ULK4: variants seen among roughly 807,000 people sequenced by gnomAD.
The protein encoded by ULK4 is unc-51 like kinase 4.
ULK4 carries 133 observed loss-of-function variants against 160.6 expected under a neutral mutation model. That is an observed-to-expected ratio of 0.83 (90% CI 0.72 to 0.96). ULK4 has a LOEUF of 0.96. ULK4 is among the 40% of genes least tolerant of loss of function. The pLI is 0.00. For missense variants in ULK4, 1,580 were observed against 1,499.5 expected (o/e 1.05, Z -0.89); for synonymous variants, 534 against 539.8 (o/e 0.99, Z 0.15).
intron 34 of ULK4, among the ~76,000 whole-genome samples, chr3:41,453,245 T>G (rs536893542): frequency 6.6e-6 from 1 of 152,270 alleles, no homozygotes; most frequent in South Asian, 2.1e-4. Flanking sequence ...GTGTCATCAT[T>G]GCTGGCTGCC....
chr3:41,935,668 A>C (rs1699754117), intron 4 of ULK4, 133 bp downstream of exon 4: 2 of 1,157,674 alleles, frequency 1.7e-6, no homozygotes, highest in Admixed American at 6.0e-5. Flanking sequence ...GCCTCCTTTT[A>C]TTTTAAAAAA....
intron 20 of ULK4, among the ~76,000 whole-genome samples, chr3:41,797,637 A>G (rs2040341136): frequency 6.6e-6 from 1 of 152,196 alleles, no homozygotes. Context: ...AGGTGGGTGG[A>G]TCACCTGAGG....
At chr3:41,525,197 A>G (rs1305570656) in intron 32 of ULK4, among the ~76,000 whole-genome samples, 2 of 152,214 alleles carry the variant, frequency 1.3e-5, no homozygotes, top group African/African-American at 4.8e-5. Flanking sequence ...TAACTCTCTC[A>G]TATTTCTCAC....
chr3:41,643,926 T>G (rs895171495), intron 30 of ULK4, among the ~76,000 whole-genome samples: 1 of 152,166 alleles, frequency 6.6e-6, no homozygotes, highest in Non-Finnish European at 1.5e-5. Flanking sequence ...TAAGTTGGAT[T>G]CCTAGGTATT....
At chr3:41,808,113 C>T (rs186490484) in intron 19 of ULK4, among the ~76,000 whole-genome samples, 31 of 152,206 alleles carry the variant, frequency 2.0e-4, no homozygotes, top group East Asian at 5.8e-4. Context: ...TTCAATATGA[C>T]GAAACCTATT....
At chr3:41,674,008 A>T (rs1272166440) in intron 29 of ULK4, among the ~76,000 whole-genome samples, 1 of 152,172 alleles carries the variant, frequency 6.6e-6, no homozygotes, top group Non-Finnish European at 1.5e-5. Flanking sequence ...CACTTAATAT[A>T]TATTTATGGA....
At chr3:41,818,732 T>G (rs947472088) in intron 19 of ULK4, among the ~76,000 whole-genome samples, 5 of 152,234 alleles carry the variant, frequency 3.3e-5, no homozygotes, top group African/African-American at 1.2e-4. Flanking sequence ...TGATATATCT[T>G]TCTCATTCCT....
At chr3:41,622,231 T>C (rs567851588) in intron 30 of ULK4, among the ~76,000 whole-genome samples, 1 of 152,194 alleles carries the variant, frequency 6.6e-6, no homozygotes, top group Non-Finnish European at 1.5e-5. Flanking sequence ...GAACCAGAAA[T>C]ACCATTTGAC....
chr3:41,636,087 A>G (rs1277202794), intron 30 of ULK4, among the ~76,000 whole-genome samples: 2 of 151,654 alleles, frequency 1.3e-5, no homozygotes, highest in Non-Finnish European at 2.9e-5. Flanking sequence ...TCAATTCTCT[A>G]CCTTTGTATT....
chr3:41,732,624 T>C (rs1575620420), intron 22 of ULK4, among the ~76,000 whole-genome samples: 1 of 152,074 alleles, frequency 6.6e-6, no homozygotes, highest in Non-Finnish European at 1.5e-5. Flanking sequence ...TGGGTATTTA[T>C]CCAAAGAAAA....
At position 41,463,267 on chromosome 3, in the gene ULK4, A is replaced by T. The variant is rs764685103; in HGVS notation, c.3227-14T>A. 5.6e-6 allele frequency: 9 copies of T among 1,603,604 alleles called. No homozygotes were observed. Among genetic ancestry groups the T allele is most frequent in the African/African-American group, 1.3e-5 (1 of 74,360 alleles). ...GACTGACAAGTCCTGAGGGTAAAAAAGGAAAAGAAAAAAACCTCATCATTA... is the reference window on the plus strand; with the variant it reads ...GACTGACAAGTCCTGAGGGTAAAAATGGAAAAGAAAAAAACCTCATCATTA... On this transcript the variant is annotated splice_polypyrimidine_tract_variant and intron_variant, in intron 32 of 36. Transcript: ENST00000301831.
In ULK4 at chr3:41,249,696, T is replaced by C. The variant is rs988469457; in HGVS notation, c.3679-122A>G. On this transcript the variant is annotated intron_variant, in intron 35 of 36. Coordinates refer to ENST00000301831, the MANE Select transcript of ULK4 (RefSeq NM_017886.4). ...TGTGGCTGCCTAAGGCACTGGGGGG[T>C]GTCCCCTGGGCTTGTCTGTAACCCC... The C allele has an allele frequency of 1.3e-5, 13 of 996,098 alleles. No homozygotes were observed. The Admixed American group carries it at 1.9e-4, about 15-fold the overall frequency. The allele number at this position is 996,098 out of a possible 1,614,324, so 61.7% of individuals were successfully genotyped here.
At position 41,429,087 on chromosome 3, in the gene ULK4, A is replaced by G. The variant is rs191961297; in HGVS notation, c.3492+26410T>C. Reference sequence around the variant, plus strand: ...AAAAAACCTCATTAAAAAGCAGGGAAAAAACATAAACAGACACTTCTCAAA... The same window carrying G: ...AAAAAACCTCATTAAAAAGCAGGGAGAAAACATAAACAGACACTTCTCAAA... On this transcript the variant is annotated intron_variant, in intron 34 of 36. Coordinates refer to ENST00000301831, the MANE Select transcript of ULK4 (RefSeq NM_017886.4). 4.8e-3 allele frequency among the ~76,000 whole-genome samples: 738 copies of G among 152,286 alleles called. 10 individuals are homozygous for G. Among genetic ancestry groups the G allele is most frequent in the African/African-American group, 0.012 (505 of 41,582 alleles).
intron 2 of ULK4, among the ~76,000 whole-genome samples, chr3:41,951,144 C>CAAAAAAAAAAAAAA (rs34524276): frequency 2.2e-4 from 14 of 64,626 alleles, no homozygotes; most frequent in East Asian, 1.1e-3. Flanking sequence ...GGCTTCGTCT[C>CAAAAAAAAAAAAAA]AAAAAAAAAA....
At chr3:41,649,374 G>A (rs2125736477) in intron 30 of ULK4, among the ~76,000 whole-genome samples, 1 of 152,210 alleles carries the variant, frequency 6.6e-6, no homozygotes, top group East Asian at 1.9e-4. Context: ...GCAGGGCAGG[G>A]TACCTGTGCA....
chr3:41,353,904 GT>G (rs1332720299), intron 35 of ULK4, among the ~76,000 whole-genome samples: 1 of 151,982 alleles, frequency 6.6e-6, no homozygotes, highest in Non-Finnish European at 1.5e-5. Flanking sequence ...CACCTTAGAA[GT>G]TTATTTCTTG....
chr3:41,296,579 A>T (rs1257336803), intron 35 of ULK4, among the ~76,000 whole-genome samples: 1 of 152,190 alleles, frequency 6.6e-6, no homozygotes, highest in Non-Finnish European at 1.5e-5. Context: ...AAAAAGAATT[A>T]TTCCTGAGAC....
chr3:41,498,981 C>T (rs797007906), intron 32 of ULK4, among the ~76,000 whole-genome samples: 43 of 152,238 alleles, frequency 2.8e-4, no homozygotes, highest in African/African-American at 1.0e-3. Flanking sequence ...CAATATAGTA[C>T]TATTCTTCAA....
intron 30 of ULK4, among the ~76,000 whole-genome samples, chr3:41,656,418 A>G (rs2034938127): frequency 2.6e-5 from 4 of 152,232 alleles, no homozygotes; most frequent in Admixed American, 2.6e-4. Flanking sequence ...AAGACATGGC[A>G]TTAAAAAATC....
Sources: allele counts gnomAD v4.1 joint callset (sites outside exome capture counted in the v4.1 genomes callset), GRCh38; gene constraint gnomAD v4.1.1; transcripts MANE v1.5; gene names NCBI Gene and HGNC (gene_info 2026-07-23, HGNC 2026-07-21).